Variants in SCAPER observed in about 807,000 individuals in gnomAD.
SCAPER encodes S phase cyclin A-associated protein in the endoplasmic reticulum.
A neutral mutation model predicts 182.2 loss-of-function variants in SCAPER; 98 were observed. The ratio of observed to expected loss-of-function variants is 0.54; its 90% CI spans 0.46 to 0.64. The LOEUF (loss-of-function observed/expected upper bound fraction) is 0.64. Among genes scored for constraint, SCAPER ranks in the 30% least tolerant of loss-of-function variants. The pLI, the probability that SCAPER is intolerant of heterozygous loss-of-function variation, is 0.00. For missense variants in SCAPER, 1,432 were observed against 1,690.0 expected, an observed-to-expected ratio of 0.85 and a Z score of 2.68; for synonymous variants, 605 against 564.6, an observed-to-expected ratio of 1.07 and a Z score of -1.01.
At chr15:76,752,894 CA>C (rs147340880) in intron 15 of SCAPER, among the ~76,000 whole-genome samples, 23,468 of 149,656 alleles carry the variant, frequency 0.16, 2,058 homozygotes, top group African/African-American at 0.25. Context: ...GTTTTTCCCA[CA>C]AAAAAAATAG....
At chr15:76,855,784 G>A (rs1599127023) in intron 4 of SCAPER, 11 of 353,258 alleles carry the variant, frequency 3.1e-5, no homozygotes, top group South Asian at 2.2e-4. Flanking sequence ...ATCTTGGCAA[G>A]GTTGTGGAGA....
intron 20 of SCAPER, among the ~76,000 whole-genome samples, chr15:76,689,435 C>T (rs2058223328): frequency 6.6e-6 from 1 of 151,918 alleles, no homozygotes; most frequent in Non-Finnish European, 1.5e-5. Flanking sequence ...AGGCTACTTA[C>T]TATGTGTATA....
intron 17 of SCAPER, among the ~76,000 whole-genome samples, chr15:76,711,415 C>T (rs1307072512): frequency 6.6e-6 from 1 of 152,104 alleles, no homozygotes; most frequent in South Asian, 2.1e-4. Flanking sequence ...AATAAGCACA[C>T]TGACAACATG....
At chr15:76,578,868 A>G (rs907916804) in intron 22 of SCAPER, among the ~76,000 whole-genome samples, 4 of 152,348 alleles carry the variant, frequency 2.6e-5, no homozygotes, top group African/African-American at 9.6e-5. Context: ...GACACCAGGG[A>G]CCAATCCTGG....
At chr15:76,734,992 C>A (rs2061158712) in intron 15 of SCAPER, among the ~76,000 whole-genome samples, 1 of 151,794 alleles carries the variant, frequency 6.6e-6, no homozygotes, top group African/African-American at 2.4e-5. Context: ...ATACACTAAG[C>A]AAAATTTTTA....
At position 76,751,261 on chromosome 15, in the gene SCAPER, C is replaced by T. The variant is rs541221142; in HGVS notation, c.1866+2547G>A. ...AATAAATAAAAAATTATCCCATGATCATAAACCAGAACACTTAATATTGTT... is the reference window on the plus strand; with the variant it reads ...AATAAATAAAAAATTATCCCATGATTATAAACCAGAACACTTAATATTGTT... On this transcript the variant is annotated intron_variant, in intron 15 of 31. Coordinates refer to ENST00000563290, the MANE Select transcript of SCAPER (RefSeq NM_020843.4). Among the ~76,000 whole-genome samples the T allele has an allele frequency of 1.5e-3, 225 of 151,774 alleles. 2 individuals carry two copies. The highest frequency in any genetic ancestry group is 7.7e-4 in the Non-Finnish European group (52 of 67,676).
At chr15:76,494,318 T>C (rs1401931578) in intron 24 of SCAPER, among the ~76,000 whole-genome samples, 1 of 152,222 alleles carries the variant, frequency 6.6e-6, no homozygotes, top group Non-Finnish European at 1.5e-5. Flanking sequence ...GTCTCACACA[T>C]ACAAACAGCT....
chr15:76,618,651 A>C (rs1363594035), intron 22 of SCAPER, among the ~76,000 whole-genome samples: 4 of 152,150 alleles, frequency 2.6e-5, no homozygotes. Flanking sequence ...ATTCATTACA[A>C]TCCAAATTAA....
intron 20 of SCAPER, among the ~76,000 whole-genome samples, chr15:76,672,127 G>C (rs2146870606): frequency 6.6e-6 from 1 of 152,218 alleles, no homozygotes; most frequent in East Asian, 1.9e-4. Context: ...GGATAATAGA[G>C]ACAAAGGGGA....
chr15:76,546,224 T>C (rs1269705802), intron 23 of SCAPER, among the ~76,000 whole-genome samples: 2 of 152,172 alleles, frequency 1.3e-5, no homozygotes, highest in Non-Finnish European at 2.9e-5. Context: ...ATGATGAAAA[T>C]ATAAGACCAG....
chr15:76,480,800 G>C (rs1350961454), intron 24 of SCAPER, among the ~76,000 whole-genome samples: 1 of 151,698 alleles, frequency 6.6e-6, no homozygotes, highest in Non-Finnish European at 1.5e-5. Context: ...GTGCGATCTC[G>C]GCTCACTGCA....
chr15:76,417,659 T>C (rs1255414150), intron 26 of SCAPER, among the ~76,000 whole-genome samples: 1 of 152,198 alleles, frequency 6.6e-6, no homozygotes, highest in Non-Finnish European at 1.5e-5. Flanking sequence ...CAGGGTCTGG[T>C]GGCCAGGAAA....
intron 20 of SCAPER, among the ~76,000 whole-genome samples, chr15:76,690,072 T>G (rs1045078041): frequency 2.6e-5 from 4 of 151,980 alleles, no homozygotes; most frequent in African/African-American, 4.8e-5. Context: ...CCCAACCCCT[T>G]GAAACCTCCT....
At chr15:76,545,348 G>A (rs547166694) in intron 23 of SCAPER, among the ~76,000 whole-genome samples, 3 of 152,132 alleles carry the variant, frequency 2.0e-5, no homozygotes, top group Non-Finnish European at 2.9e-5. Flanking sequence ...TGCTAGAGAT[G>A]CAACTGCTTG....
chr15:76,574,948 C>G (rs1567501627), intron 22 of SCAPER, among the ~76,000 whole-genome samples: 1 of 152,144 alleles, frequency 6.6e-6, no homozygotes, highest in African/African-American at 2.4e-5. Context: ...AATAGATGCT[C>G]ACCAGATCTC....
chr15:76,450,304 A>C (rs1344440827), intron 25 of SCAPER, among the ~76,000 whole-genome samples: 1 of 152,252 alleles, frequency 6.6e-6, no homozygotes, highest in African/African-American at 2.4e-5. Context: ...ACATATCAAG[A>C]CACTGAATTA....
At chr15:76,806,302 C>T (rs1024108329) in intron 5 of SCAPER, among the ~76,000 whole-genome samples, 9 of 152,126 alleles carry the variant, frequency 5.9e-5, no homozygotes, top group South Asian at 2.1e-4. Flanking sequence ...ACTATTCTTT[C>T]CCTCATTAAA....
rs1277723099 is a variant in SCAPER at position 76,354,331 on chromosome 15, C to T, written c.3856-191G>A. 2.0e-6 allele frequency: 1 copy of T among 502,696 alleles called. No individual in the cohort carries two copies. Among genetic ancestry groups the T allele is most frequent in the African/African-American group, 2.0e-5 (1 of 49,224 alleles). The allele number at this position is 502,696 out of a possible 1,614,324, so 31.1% of individuals were successfully genotyped here. A position where few individuals can be genotyped will look rare whatever the true frequency, so the allele number is the denominator to read the frequency against. On this transcript the variant is annotated intron_variant, in intron 29 of 31. Coordinates refer to ENST00000563290, the MANE Select transcript of SCAPER (RefSeq NM_020843.4). The surrounding 1 kb of genome is among the most constrained non-coding windows in gnomAD (Gnocchi z 4.4). The stretch of plus-strand genomic sequence containing the variant: ...AGAAAAAAAAAATCTCATTTCCCAA[C>T]TTAAGGAAAAGATCCTGAAAGTTTT...
At chr15:76,796,731 C>T (rs546322724) in intron 7 of SCAPER, among the ~76,000 whole-genome samples, 2 of 152,256 alleles carry the variant, frequency 1.3e-5, no homozygotes, top group East Asian at 3.9e-4. Flanking sequence ...GAACCACACA[C>T]CAATGAAGTG....
Sources: allele counts gnomAD v4.1 joint callset (sites outside exome capture counted in the v4.1 genomes callset), GRCh38; gene constraint gnomAD v4.1.1; non-coding constraint Gnocchi (gnomAD v3.1); transcripts MANE v1.5; gene names NCBI Gene and HGNC (gene_info 2026-07-23, HGNC 2026-07-21).